The following POLE4 variants were observed in gnomAD, a reference collection of about 807,000 sequenced individuals.
POLE4 encodes the protein DNA polymerase epsilon subunit 4.
POLE4 carries 15 observed loss-of-function variants against 15.6 expected under a neutral mutation model. The observed-to-expected ratio is 0.96, with a 90% CI of 0.64 to 1.48. The LOEUF (loss-of-function observed/expected upper bound fraction) is 1.48, where lower values mean the gene tolerates loss of function less well. Among genes scored for constraint, POLE4 ranks in the 40% most tolerant of loss-of-function variants. POLE4 has a pLI of 0.00. For missense variants in POLE4, 205 were observed against 151.9 expected, an observed-to-expected ratio of 1.35 and a Z score of -1.84; for synonymous variants, 83 against 63.2, an observed-to-expected ratio of 1.31 and a Z score of -1.49.
chr2:74,959,937 T>TAA (rs1443338005), intron 2 of POLE4, among the ~76,000 whole-genome samples, 168 bp from the exon 3 acceptor site: 2 of 152,166 alleles, frequency 1.3e-5, no homozygotes, highest in Non-Finnish European at 2.9e-5. Flanking sequence ...CTAATATATA[T>TAA]AAGAGTTGCT....
Position 74,969,538 on chromosome 2 carries a change from G to A in POLE4, c.*116G>A, listed in dbSNP as rs1297188597. 1 of 919,436 alleles carries A rather than the reference G, an allele frequency of 1.1e-6. No homozygotes were observed. The highest frequency in any genetic ancestry group is 1.8e-6 in the Non-Finnish European group (1 of 548,144). 57.0% of individuals were successfully genotyped at this position (919,436 alleles called of 1,614,324 possible). A position where few individuals can be genotyped will look rare whatever the true frequency, so the allele number is the denominator to read the frequency against. On this transcript the variant is annotated 3_prime_UTR_variant, in exon 4 of 4. Coordinates refer to ENST00000483063, the MANE Select transcript of POLE4 (RefSeq NM_019896.4). ...CACTTACACACACTCTTCCTGTTCT[G>A]CCTTCACCTATGCCGGGATAAGCAG...
chr2:74,958,836 G>C lies in POLE4; in HGVS notation c.157G>C (p.Asp53His), dbSNP rs993983989. The part of the protein sequence containing the change: ...LARVKALVKA[D>H]PDVTLAGQEA... The stretch of plus-strand genomic sequence containing the variant: ...GCGAGTGAAGGCCTTGGTGAAGGCA[G>C]ATCCCGACGTGACGCTAGCGGGACA... The change falls in exon 1 of 4, where the codon GAT becomes CAT. Residue 53 changes from aspartate to histidine, a missense_variant. Asp to His is a moderately conservative substitution (Grantham distance 81). Transcript: ENST00000483063. 1 of 1,560,378 alleles carries C rather than the reference G, an allele frequency of 6.4e-7. No homozygotes were observed. The highest frequency in any genetic ancestry group is 1.4e-5 in the African/African-American group (1 of 73,564).
intron 3 of POLE4, among the ~76,000 whole-genome samples, chr2:74,963,678 TG>T (rs1477186696): frequency 1.3e-5 from 2 of 151,998 alleles, no homozygotes; most frequent in African/African-American, 4.8e-5. Flanking sequence ...TTGGTAGAGA[TG>T]GGGTTTCACT....
At chr2:74,960,067 C>G in intron 2 of POLE4, 38 bp from the exon 3 acceptor site, 1 of 1,597,510 alleles carries the variant, frequency 6.3e-7, no homozygotes, top group Non-Finnish European at 8.6e-7. Context: ...GTCAGCATGG[C>G]TGAAGTTAGT....
At chr2:74,959,534 C>T (rs1671185377) in intron 2 of POLE4, 109 bp downstream of exon 2, 1 of 693,702 alleles carries the variant, frequency 1.4e-6, no homozygotes, top group Non-Finnish European at 2.5e-6. Context: ...CACAGCGTCT[C>T]TCCCCAGGAT....
At position 74,958,854 on chromosome 2, in the gene POLE4, G is replaced by A. The variant is rs1360077249; in HGVS notation, c.175G>A (p.Ala59Thr). The change falls in exon 1 of 4, where the codon GCG becomes ACG. Residue 59 changes from alanine to threonine, a missense_variant. Transcript: ENST00000483063. ...LVKADPDVTLAGQEAIFILAR... is the reference protein window; with the variant it reads ...LVKADPDVTLTGQEAIFILAR... The stretch of plus-strand genomic sequence containing the variant: ...GAAGGCAGATCCCGACGTGACGCTA[G>A]CGGGACAGGAAGCCATCTTCATTCT... 1.9e-6 allele frequency: 3 copies of A among 1,561,628 alleles called. No homozygotes were observed. The highest frequency in any genetic ancestry group is 2.4e-5 in the South Asian group (2 of 84,874).
At chr2:74,969,065 A>G (rs1671331288) in intron 3 of POLE4, among the ~76,000 whole-genome samples, 1 of 152,210 alleles carries the variant, frequency 6.6e-6, no homozygotes, top group South Asian at 2.1e-4. Flanking sequence ...CTTTCTAAAA[A>G]GATTATAAAC....
At chr2:74,968,456 C>T (rs1234192939) in intron 3 of POLE4, among the ~76,000 whole-genome samples, 1 of 151,798 alleles carries the variant, frequency 6.6e-6, no homozygotes, top group Non-Finnish European at 1.5e-5. Context: ...TGGTTGTTGC[C>T]TGGCAGCTTT....
At chr2:74,969,082 A>C (rs1671331908) in intron 3 of POLE4, among the ~76,000 whole-genome samples, 1 of 152,182 alleles carries the variant, frequency 6.6e-6, no homozygotes, top group African/African-American at 2.4e-5. Context: ...AAACTCTTTA[A>C]TTAGAGAGTT....
chr2:74,959,879 G>A (rs758606864), intron 2 of POLE4: 10 of 524,974 alleles, frequency 1.9e-5, no homozygotes, highest in Admixed American at 7.2e-5. Flanking sequence ...CAACCCCCGC[G>A]TTGAATGGTA....
At chr2:74,963,229 C>T (rs897589914) in intron 3 of POLE4, among the ~76,000 whole-genome samples, 40 of 152,220 alleles carry the variant, frequency 2.6e-4, no homozygotes, top group Non-Finnish European at 2.9e-5. Context: ...TTCCAATTCA[C>T]GTTCCTACCA....
intron 3 of POLE4, among the ~76,000 whole-genome samples, chr2:74,963,583 A>G (rs1671255626): frequency 6.6e-6 from 1 of 151,920 alleles, no homozygotes. Context: ...TGCTCAATGC[A>G]GCCCCCCCTC....
At chr2:74,959,725 T>C (rs1249420470) in intron 2 of POLE4, 5 of 420,082 alleles carry the variant, frequency 1.2e-5, no homozygotes, top group Non-Finnish European at 1.3e-5. Flanking sequence ...ATTTGATTTC[T>C]GACTCTTGTC....
chr2:74,963,893 T>C (rs1573428295), intron 3 of POLE4, among the ~76,000 whole-genome samples: 1 of 151,318 alleles, frequency 6.6e-6, no homozygotes, highest in African/African-American at 2.4e-5. Flanking sequence ...CATTAAAATA[T>C]AAAGGTAATC....
intron 1 of POLE4, 87 bp downstream of exon 1, chr2:74,958,979 G>C: frequency 7.8e-7 from 1 of 1,276,316 alleles, no homozygotes; most frequent in Non-Finnish European, 1.1e-6. Context: ...GGGGCTTAGG[G>C]CGGCGTGGCC....
At chr2:74,965,174 A>G (rs1383138398) in intron 3 of POLE4, among the ~76,000 whole-genome samples, 2 of 150,562 alleles carry the variant, frequency 1.3e-5, no homozygotes, top group East Asian at 3.9e-4. Context: ...GCTCATTGCA[A>G]CCTCTGCCTC....
rs188983297 is a variant in POLE4, at chr2:74,959,271, A to G, written c.214-70A>G. ...TTCTTCTCCCTTTCTGCCCCCACCC[A>G]CAAACCGGAGCCCTCACCTCCTCAG... On this transcript the variant is annotated intron_variant, in intron 1 of 3. Coordinates refer to ENST00000483063, the MANE Select transcript of POLE4 (RefSeq NM_019896.4). The G allele has an allele frequency of 1.8e-4, 183 of 990,196 alleles. 1 individual carries two copies. The African/African-American group carries it at 2.7e-3, about 15-fold the overall frequency. 61.3% of individuals were successfully genotyped at this position (990,196 alleles called of 1,614,324 possible).
intron 1 of POLE4, 58 bp downstream of exon 1, chr2:74,958,950 C>T (rs889524763): frequency 6.8e-7 from 1 of 1,460,756 alleles, no homozygotes; most frequent in South Asian, 1.3e-5. Context: ...GGGGCGGGGC[C>T]TCGGGGCCTC....
At position 74,968,150 on chromosome 2, in the gene POLE4, G is replaced by A. The variant is rs1232737252; in HGVS notation, c.341-1259G>A. On this transcript the variant is annotated intron_variant, in intron 3 of 3. Coordinates refer to ENST00000483063, the MANE Select transcript of POLE4 (RefSeq NM_019896.4). The stretch of plus-strand genomic sequence containing the variant: ...GATTTCACATTTGCTTTTTCTTGAT[G>A]TCTCTTCAATTCCTGAAGATTTCCT... 2.0e-5 allele frequency among the ~76,000 whole-genome samples: 3 copies of A among 152,186 alleles called. No individual in the cohort carries two copies. In the East Asian group the frequency reaches 5.8e-4, roughly 29 times the overall value.
Sources: allele counts gnomAD v4.1 joint callset (sites outside exome capture counted in the v4.1 genomes callset), GRCh38; gene constraint gnomAD v4.1.1; transcripts MANE v1.5; gene names NCBI Gene and HGNC (gene_info 2026-07-23, HGNC 2026-07-21).